PSD3: variants seen among roughly 807,000 people sequenced by gnomAD.
The protein encoded by PSD3 is PH and SEC7 domain-containing protein 3.
In PSD3, 49 loss-of-function variants were observed where a neutral mutation model predicts 105.5. The observed-to-expected ratio is 0.46, with a 90% CI of 0.37 to 0.59. The LOEUF (loss-of-function observed/expected upper bound fraction) is 0.59. PSD3 is among the 20% of genes least tolerant of loss of function. The pLI is 0.00. For missense variants in PSD3, 1,561 were observed against 1,263.8 expected (o/e 1.24, Z -3.57); for synonymous variants, 557 against 457.8 (o/e 1.22, Z -2.77).
In PSD3 at chr8:18,799,294, C is replaced by T. The variant is rs1563282506; in HGVS notation, c.2082+1G>A. The T allele has an allele frequency of 1.3e-6, 2 of 1,599,222 alleles. No individual in the cohort carries two copies. The highest frequency in any genetic ancestry group is 8.6e-7 in the Non-Finnish European group (1 of 1,166,642). On this transcript the variant is annotated splice_donor_variant, in intron 8 of 15. Coordinates refer to ENST00000327040, the MANE Select transcript of PSD3 (RefSeq NM_015310.4). LOFTEE classifies it high-confidence loss of function. ...TCTAAGTTTCACAAATCCACACTTA[C>T]GTGGCCATGTAGATCGGTATTAAGA...
intron 1 of PSD3, among the ~76,000 whole-genome samples, chr8:18,983,811 C>A (rs1192410075): frequency 1.3e-5 from 2 of 150,798 alleles, no homozygotes; most frequent in African/African-American, 2.4e-5. Context: ...CTAGCCAGGG[C>A]AACATAGCCA....
chr8:18,855,054 G>A (rs1006388013), intron 4 of PSD3, among the ~76,000 whole-genome samples: 7 of 152,216 alleles, frequency 4.6e-5, no homozygotes. Flanking sequence ...GGATGCCAGA[G>A]TGTGTGTCAG....
intron 9 of PSD3, among the ~76,000 whole-genome samples, chr8:18,758,053 C>A (rs1043977767): frequency 6.6e-6 from 1 of 151,992 alleles, no homozygotes; most frequent in Non-Finnish European, 1.5e-5. Context: ...AATTCACAGG[C>A]AGTTGTAAGA....
intron 4 of PSD3, among the ~76,000 whole-genome samples, chr8:18,861,281 C>A (rs1380467472): frequency 1.3e-5 from 2 of 152,138 alleles, no homozygotes; most frequent in East Asian, 3.9e-4. Flanking sequence ...TTACAGGGCA[C>A]ATTTTCTACA....
At chr8:18,685,894 G>A (rs1800636698) in intron 9 of PSD3, among the ~76,000 whole-genome samples, 1 of 152,176 alleles carries the variant, frequency 6.6e-6, no homozygotes, top group Non-Finnish European at 1.5e-5. Flanking sequence ...GCCTGCCTCT[G>A]TGTGGGGATA....
chr8:18,931,082 A>G (rs1216394291), intron 2 of PSD3, among the ~76,000 whole-genome samples: 3 of 152,044 alleles, frequency 2.0e-5, no homozygotes, highest in African/African-American at 7.2e-5. Context: ...TGCCATCCAT[A>G]TATCTTCTTT....
intron 4 of PSD3, among the ~76,000 whole-genome samples, chr8:18,834,999 T>C (rs1813987860): frequency 6.6e-6 from 1 of 152,168 alleles, no homozygotes; most frequent in Non-Finnish European, 1.5e-5. Flanking sequence ...GTCAAAGACA[T>C]ACAAATTAAG....
At chr8:18,679,176 C>A (rs138438301) in intron 9 of PSD3, among the ~76,000 whole-genome samples, 63 of 152,336 alleles carry the variant, frequency 4.1e-4, no homozygotes, top group African/African-American at 1.4e-3. Context: ...GAAATGACAA[C>A]AATCTGCAAG....
intron 1 of PSD3, among the ~76,000 whole-genome samples, chr8:19,083,598 G>A (rs936380642): frequency 1.3e-5 from 2 of 152,196 alleles, no homozygotes; most frequent in African/African-American, 4.8e-5. Flanking sequence ...AGAAAGTCAG[G>A]TGTTCATGGA....
At chr8:18,569,096 C>T (rs1255110485) in intron 14 of PSD3, among the ~76,000 whole-genome samples, 2 of 129,656 alleles carry the variant, frequency 1.5e-5, no homozygotes, top group Non-Finnish European at 3.3e-5. Flanking sequence ...TTTCTTAATC[C>T]AGTCTATCGT....
At chr8:19,080,841 C>T (rs1192716437) in intron 1 of PSD3, among the ~76,000 whole-genome samples, 1 of 152,154 alleles carries the variant, frequency 6.6e-6, no homozygotes, top group Non-Finnish European at 1.5e-5. Flanking sequence ...ACTTATTTCA[C>T]TAATTTTCTA....
intron 1 of PSD3, among the ~76,000 whole-genome samples, chr8:19,070,238 A>G (rs562407783): frequency 4.7e-4 from 72 of 152,240 alleles, no homozygotes; most frequent in African/African-American, 1.7e-3. Context: ...TTAATGTGAT[A>G]CGCCTAGCAA....
intron 4 of PSD3, among the ~76,000 whole-genome samples, chr8:18,829,254 A>G (rs185391239): frequency 2.6e-5 from 4 of 152,254 alleles, no homozygotes; most frequent in Non-Finnish European, 4.4e-5. Context: ...AAATTTTTTA[A>G]AAAACGGGCA....
chr8:18,751,063 G>C (rs1403522012), intron 9 of PSD3, among the ~76,000 whole-genome samples: 1 of 152,174 alleles, frequency 6.6e-6, no homozygotes, highest in Admixed American at 6.5e-5. Context: ...CCCTTGGGCA[G>C]TTGATGGACC....
At chr8:18,773,088 C>T (rs1039142773) in intron 8 of PSD3, among the ~76,000 whole-genome samples, 9 of 152,018 alleles carry the variant, frequency 5.9e-5, no homozygotes, top group South Asian at 4.1e-4. Flanking sequence ...AAGAAATTGC[C>T]GGCACATACA....
intron 9 of PSD3, chr8:18,683,697 A>G (rs1192580086): frequency 1.4e-6 from 1 of 723,058 alleles, no homozygotes; most frequent in Non-Finnish European, 2.5e-6. Context: ...ACTGCACATT[A>G]GACACTGCCA....
At chr8:18,797,386 A>G (rs1810283114) in intron 8 of PSD3, among the ~76,000 whole-genome samples, 1 of 152,148 alleles carries the variant, frequency 6.6e-6, no homozygotes. Flanking sequence ...ACTCAAGGTA[A>G]TATTAAAATG....
intron 9 of PSD3, among the ~76,000 whole-genome samples, chr8:18,705,563 G>GT (rs1384481192): frequency 1.4e-5 from 2 of 140,570 alleles, no homozygotes; most frequent in Non-Finnish European, 3.1e-5. Flanking sequence ...AAAAAAATTC[G>GT]TTAAATAACA....
rs186565140 is a variant in PSD3 at position 18,641,464 on chromosome 8, A to G, written c.2217-8658T>C. On this transcript the variant is annotated intron_variant, in intron 10 of 15. Transcript: ENST00000327040. ...GCTAAAACATTTTTTATAAAATACT[A>G]TATGTCTCCACAGAGCTGTGTACAA... Among the ~76,000 whole-genome samples, 154 of 152,314 alleles carry G rather than the reference A, an allele frequency of 1.0e-3. 2 individuals carry two copies. Among genetic ancestry groups the G allele is most frequent in the East Asian group, 6.4e-3 (33 of 5,180 alleles).
Sources: gnomAD v4.1 joint callset for allele counts (sites outside exome capture counted in the v4.1 genomes callset) on GRCh38, gnomAD v4.1.1 for gene constraint, MANE v1.5 for transcripts, NCBI Gene and HGNC (gene_info 2026-07-23, HGNC 2026-07-21) for gene names.